Variants in L3MBTL4 observed in about 807,000 individuals in gnomAD.
The protein encoded by L3MBTL4 is lethal(3)malignant brain tumor-like protein 4.
A neutral mutation model predicts 84.5 loss-of-function variants in L3MBTL4; 70 were observed. That is an observed-to-expected ratio of 0.83 (90% CI 0.68 to 1.01). The LOEUF (loss-of-function observed/expected upper bound fraction) is 1.01, where lower values mean the gene tolerates loss of function less well. Ranked by LOEUF, L3MBTL4 falls within the 50% of genes least tolerant of loss-of-function variation. The pLI is 0.00. For missense variants in L3MBTL4, 715 were observed against 754.8 expected (o/e 0.95, Z 0.62); for synonymous variants, 274 against 259.8 (o/e 1.05, Z -0.52).
intron 12 of L3MBTL4, among the ~76,000 whole-genome samples, chr18:6,180,101 G>A (rs1466638107): frequency 1.3e-5 from 2 of 152,024 alleles, no homozygotes; most frequent in African/African-American, 4.8e-5. Context: ...AAATAAATCA[G>A]GAAAACAATA....
chr18:6,016,063 G>A (rs2054962792), intron 16 of L3MBTL4, among the ~76,000 whole-genome samples: 1 of 152,208 alleles, frequency 6.6e-6, no homozygotes, highest in Non-Finnish European at 1.5e-5. Flanking sequence ...GTCAGGGCAG[G>A]CCTCCACTAC....
At chr18:6,305,921 G>T (rs1599564859) in intron 3 of L3MBTL4, among the ~76,000 whole-genome samples, 1 of 152,120 alleles carries the variant, frequency 6.6e-6, no homozygotes, top group African/African-American at 2.4e-5. Context: ...TTTGTGGTTG[G>T]CAATTTTGAT....
rs1042285704 is a variant in L3MBTL4, at chr18:6,140,075, G to A, written c.1097-1779C>T. Among the ~76,000 whole-genome samples, 21 of 152,222 alleles carry A rather than the reference G, an allele frequency of 1.4e-4. 1 individual carries two copies. Among genetic ancestry groups the A allele is most frequent in the African/African-American group, 4.8e-4 (20 of 41,556 alleles). Reference sequence around the variant, plus strand: ...GGGCCACACAAACAAAACCCTCTGGGTCTTGTCATCACCCAAAATGGCTTT... The same window carrying A: ...GGGCCACACAAACAAAACCCTCTGGATCTTGTCATCACCCAAAATGGCTTT... On this transcript the variant is annotated intron_variant, in intron 13 of 18. Transcript: ENST00000317931.
intron 16 of L3MBTL4, among the ~76,000 whole-genome samples, chr18:6,010,587 C>G (rs1906715119): frequency 6.6e-6 from 1 of 152,150 alleles, no homozygotes; most frequent in Non-Finnish European, 1.5e-5. Flanking sequence ...TGTGTTTCTT[C>G]AATTTTTATC....
At chr18:5,998,356 G>C (rs974682888) in intron 16 of L3MBTL4, among the ~76,000 whole-genome samples, 1 of 152,220 alleles carries the variant, frequency 6.6e-6, no homozygotes, top group East Asian at 1.9e-4. Context: ...TCTGTGGCTA[G>C]ATGGGAGAAA....
intron 3 of L3MBTL4, among the ~76,000 whole-genome samples, chr18:6,307,269 A>T (rs1182926777): frequency 7.1e-6 from 1 of 141,698 alleles, no homozygotes; most frequent in Non-Finnish European, 1.6e-5. Flanking sequence ...CATTTCTATT[A>T]AAAATACAAA....
intron 1 of L3MBTL4, among the ~76,000 whole-genome samples, chr18:6,342,737 A>C (rs2052670004): frequency 6.6e-6 from 1 of 152,176 alleles, no homozygotes; most frequent in Non-Finnish European, 1.5e-5. Flanking sequence ...CTTGCCTATC[A>C]ATAATTATTT....
chr18:6,063,004 A>T (rs2057281609), intron 16 of L3MBTL4, among the ~76,000 whole-genome samples: 1 of 151,728 alleles, frequency 6.6e-6, no homozygotes, highest in Non-Finnish European at 1.5e-5. Flanking sequence ...TTCCTCCCTG[A>T]GTCCCCAGAG....
At chr18:6,260,790 A>G (rs1162341255) in intron 5 of L3MBTL4, 1 of 152,254 alleles carries the variant, frequency 6.6e-6, no homozygotes, top group African/African-American at 2.4e-5. Context: ...ACAACATTAT[A>G]CTAATATTTA....
intron 12 of L3MBTL4, among the ~76,000 whole-genome samples, chr18:6,179,144 A>G (rs1015559302): frequency 2.6e-5 from 4 of 152,152 alleles, no homozygotes; most frequent in African/African-American, 7.2e-5. Context: ...ACATTGTTTT[A>G]TTTTGCTATA....
chr18:6,218,150 C>T lies in L3MBTL4; in HGVS notation c.785-2315G>A, dbSNP rs962905402. ...AGAGATGAGGTTTCTCTAGGCTGCC[C>T]GGGCTGGAATGCGGTGGCTCTTCTG... is the stretch of plus-strand genomic sequence containing the variant. On this transcript the variant is annotated intron_variant, in intron 10 of 18. Coordinates refer to ENST00000317931, the MANE Select transcript of L3MBTL4 (RefSeq NM_001330559.2). 2.0e-5 allele frequency among the ~76,000 whole-genome samples: 3 copies of T among 151,992 alleles called. No homozygotes were observed. The South Asian group carries it at 6.2e-4, about 32-fold the overall frequency.
At chr18:6,111,948 G>A (rs2059210494) in intron 14 of L3MBTL4, among the ~76,000 whole-genome samples, 1 of 152,008 alleles carries the variant, frequency 6.6e-6, no homozygotes, top group African/African-American at 2.4e-5. Flanking sequence ...ACTTATTCTT[G>A]TAACTGAAAT....
chr18:6,081,581 T>A (rs1466199950), intron 15 of L3MBTL4, among the ~76,000 whole-genome samples: 1 of 152,212 alleles, frequency 6.6e-6, no homozygotes, highest in East Asian at 1.9e-4. Context: ...TGTGAGATAA[T>A]CAAGTAATTT....
chr18:6,062,794 TTC>T (rs2057272310), intron 16 of L3MBTL4, among the ~76,000 whole-genome samples: 1 of 151,764 alleles, frequency 6.6e-6, no homozygotes, highest in African/African-American at 2.4e-5. Context: ...CATTCTTCAT[TTC>T]TGTTATTTTG....
At chr18:6,158,306 AT>A (rs2043182379) in intron 13 of L3MBTL4, among the ~76,000 whole-genome samples, 1 of 152,200 alleles carries the variant, frequency 6.6e-6, no homozygotes, top group Non-Finnish European at 1.5e-5. Context: ...AGTGATTGCT[AT>A]TCTTTAGATA....
chr18:6,210,812 G>T (rs2046073018), intron 12 of L3MBTL4, among the ~76,000 whole-genome samples: 1 of 152,212 alleles, frequency 6.6e-6, no homozygotes, highest in African/African-American at 2.4e-5. Flanking sequence ...ACCAAGGAGT[G>T]TAGGCTTGTT....
intron 16 of L3MBTL4, among the ~76,000 whole-genome samples, chr18:6,000,788 G>T (rs1246215761): frequency 6.6e-6 from 1 of 152,170 alleles, no homozygotes; most frequent in Non-Finnish European, 1.5e-5. Context: ...ACTCATTACA[G>T]CATCCAGTCA....
chr18:6,117,945 G>T (rs1238494002), intron 14 of L3MBTL4, among the ~76,000 whole-genome samples: 1 of 152,002 alleles, frequency 6.6e-6, no homozygotes, highest in Non-Finnish European at 1.5e-5. Flanking sequence ...GTGCCATGAA[G>T]GCCACCTGTC....
chr18:5,961,735 C>A (rs911845089), intron 17 of L3MBTL4, among the ~76,000 whole-genome samples: 1 of 144,402 alleles, frequency 6.9e-6, no homozygotes, highest in Non-Finnish European at 1.5e-5. Context: ...GACACTCTGG[C>A]AGTTCAGGCA....
Sources: allele counts gnomAD v4.1 joint callset (sites outside exome capture counted in the v4.1 genomes callset), GRCh38; gene constraint gnomAD v4.1.1; transcripts MANE v1.5; gene names NCBI Gene and HGNC (gene_info 2026-07-23, HGNC 2026-07-21).